EML5: variants seen among roughly 807,000 people sequenced by gnomAD.
EML5 encodes the protein echinoderm microtubule-associated protein-like 5.
Under a neutral mutation model 250.0 loss-of-function variants are expected in EML5, and 120 were observed. The ratio of observed to expected loss-of-function variants is 0.48; its 90% CI spans 0.41 to 0.56. The LOEUF (loss-of-function observed/expected upper bound fraction) is 0.56. EML5 is among the 20% of genes least tolerant of loss of function. EML5 has a pLI of 0.00. For synonymous variants in EML5, 771 were observed against 806.5 expected (o/e 0.96, Z 0.75); for missense variants, 2,006 against 2,437.6 (o/e 0.82, Z 3.73).
chr14:88,665,960 A>G (rs1010289931), intron 21 of EML5, among the ~76,000 whole-genome samples: 35 of 152,306 alleles, frequency 2.3e-4, no homozygotes, highest in African/African-American at 8.2e-4. Flanking sequence ...ATGGCTTCAA[A>G]TCAATATTAA....
chr14:88,742,563 G>A (rs75376844), intron 4 of EML5, among the ~76,000 whole-genome samples: 1,561 of 152,164 alleles, frequency 0.01, 24 homozygotes, highest in African/African-American at 0.036. Flanking sequence ...TGAAAATGGA[G>A]CCTTTAGCTT....
chr14:88,632,231 C>T (rs1271261441), intron 33 of EML5, among the ~76,000 whole-genome samples: 1 of 152,098 alleles, frequency 6.6e-6, no homozygotes, highest in Admixed American at 6.5e-5. Context: ...CAGAATACAC[C>T]CCATATTTGT....
At chr14:88,708,407 T>C (rs984466419) in intron 10 of EML5, among the ~76,000 whole-genome samples, 2 of 152,114 alleles carry the variant, frequency 1.3e-5, no homozygotes, top group African/African-American at 4.8e-5. Flanking sequence ...AACTATAAGC[T>C]CTTTAAAGAC....
At chr14:88,675,126 T>C (rs747188656) in intron 21 of EML5, among the ~76,000 whole-genome samples, 4 of 152,228 alleles carry the variant, frequency 2.6e-5, no homozygotes, top group Non-Finnish European at 4.4e-5. Flanking sequence ...TCAGTTGTTC[T>C]ACCATTCTGG....
chr14:88,783,218 C>G (rs2094515746), intron 1 of EML5, among the ~76,000 whole-genome samples: 1 of 152,124 alleles, frequency 6.6e-6, no homozygotes, highest in Non-Finnish European at 1.5e-5. Context: ...GTTGGAGCCC[C>G]CACACACAAA....
chr14:88,700,707 C>T (rs1052874987), intron 14 of EML5, among the ~76,000 whole-genome samples: 3 of 152,106 alleles, frequency 2.0e-5, no homozygotes, highest in Non-Finnish European at 4.4e-5. Context: ...CAAAAACAAA[C>T]ACAAAAACCT....
intron 13 of EML5, among the ~76,000 whole-genome samples, chr14:88,703,844 T>C (rs1027996539): frequency 1.3e-5 from 2 of 152,132 alleles, no homozygotes; most frequent in South Asian, 2.1e-4. Flanking sequence ...ATTAGACATA[T>C]TGAGGGGAGA....
In EML5 at chr14:88,661,667, C is replaced by T; in HGVS notation, c.3662G>A (p.Arg1221Lys). The T allele has an allele frequency of 6.2e-7, 1 of 1,612,422 alleles. No homozygotes were observed. Among genetic ancestry groups the T allele is most frequent in the Non-Finnish European group, 8.5e-7 (1 of 1,179,360 alleles). ...GDDLGFVKLFRYPTKGKFGKF... is the reference protein window; with the variant it reads ...GDDLGFVKLFKYPTKGKFGKF... ...AAAAACACATACTTTAGTAGGATAT[C>T]TAAATAACTTCACAAATCCCAAATC... The change falls in exon 25 of 44, where the codon AGA (arginine) becomes AAA (lysine). Residue 1221 changes from arginine (R) to lysine (K), a missense_variant. By Grantham distance (26) the Arg-to-Lys change is conservative. Around this residue, in one of 7 missense-constraint regions of EML5, gnomAD observed 1,375 missense variants for 1,590.3 expected, o/e 0.86. Transcript: ENST00000554922.
intron 36 of EML5, chr14:88,624,066 A>AT (rs1008731884): frequency 1.1e-4 from 17 of 150,776 alleles, no homozygotes; most frequent in Non-Finnish European, 1.6e-4. Flanking sequence ...TATATGTCAC[A>AT]TTTTTTTTTG....
At chr14:88,675,369 C>T (rs1252252482) in intron 21 of EML5, among the ~76,000 whole-genome samples, 2 of 152,360 alleles carry the variant, frequency 1.3e-5, no homozygotes, top group Non-Finnish European at 2.9e-5. Context: ...TGTGCACCTG[C>T]AGGCTCAACA....
At chr14:88,733,310 C>A (rs1043550119) in intron 7 of EML5, among the ~76,000 whole-genome samples, 2 of 152,188 alleles carry the variant, frequency 1.3e-5, no homozygotes, top group Non-Finnish European at 2.9e-5. Flanking sequence ...GCCTTCAGGG[C>A]AAAAAGCGGC....
chr14:88,663,705 A>AG (rs1037601251), intron 23 of EML5, among the ~76,000 whole-genome samples: 11 of 143,998 alleles, frequency 7.6e-5, no homozygotes, highest in Admixed American at 7.0e-5. Flanking sequence ...AATGTATTTC[A>AG]TTTTTTTTTT....
chr14:88,792,927 C>A lies in EML5; in HGVS notation c.-424G>T, dbSNP rs1274302703. Among the ~76,000 whole-genome samples, 1 of 151,684 alleles carries A rather than the reference C, an allele frequency of 6.6e-6. No individual in the cohort carries two copies. The highest frequency in any genetic ancestry group is 1.5e-5 in the Non-Finnish European group (1 of 67,896). On this transcript the variant is annotated 5_prime_UTR_variant, in exon 1 of 44. Coordinates refer to ENST00000554922, the MANE Select transcript of EML5 (RefSeq NM_183387.3). This position sits in a 1 kb window ranked among gnomAD's most constrained non-coding sequence, Gnocchi z 6.9. ...GTAGCCACAGCCTGGCGGACCCGCG[C>A]CGCGCACCCCGAAACCGAGCGAGCC...
At chr14:88,729,625 T>C (rs900858872) in intron 7 of EML5, among the ~76,000 whole-genome samples, 4 of 152,128 alleles carry the variant, frequency 2.6e-5, no homozygotes, top group African/African-American at 9.6e-5. Flanking sequence ...GCTGGCGCAA[T>C]CTTAGTTCAC....
At chr14:88,736,743 G>A (rs1331823697) in intron 6 of EML5, among the ~76,000 whole-genome samples, 178 bp from the exon 7 acceptor site, 1 of 152,170 alleles carries the variant, frequency 6.6e-6, no homozygotes, top group Non-Finnish European at 1.5e-5. Flanking sequence ...GACCAACTGA[G>A]AACGTCTCTT....
intron 1 of EML5, among the ~76,000 whole-genome samples, chr14:88,784,391 AC>A (rs1166396910): frequency 6.6e-6 from 1 of 151,950 alleles, no homozygotes; most frequent in Non-Finnish European, 1.5e-5. Context: ...AGATTGACAA[AC>A]CTTTAGCCAC....
intron 1 of EML5, among the ~76,000 whole-genome samples, chr14:88,788,182 A>C (rs1413208837): frequency 2.0e-5 from 3 of 151,790 alleles, no homozygotes; most frequent in Non-Finnish European, 4.4e-5. Context: ...CCATATAAAC[A>C]CAAAAAAAAT....
intron 1 of EML5, among the ~76,000 whole-genome samples, chr14:88,772,445 G>A (rs80205517): frequency 0.01 from 1,563 of 152,294 alleles, 25 homozygotes; most frequent in African/African-American, 0.036. Context: ...ATCTAAGATG[G>A]CACTTTCAAG....
Position 88,687,175 on chromosome 14 carries a change from CT to C in EML5, c.2854+40del, listed in dbSNP as rs769585775. The C allele has an allele frequency of 6.2e-6, 9 of 1,460,850 alleles. No individual in the cohort carries two copies. In the East Asian group the frequency reaches 1.2e-4, roughly 19 times the overall value. 90.5% of individuals were successfully genotyped at this position (1,460,850 alleles called of 1,614,324 possible). ...TCACACACATTAATGAGCAATTAATCTTTTTTTCCTATACAAAAACCCCACT... is the reference window on the plus strand; with the variant it reads ...TCACACACATTAATGAGCAATTAATCTTTTTTCCTATACAAAAACCCCACT... On this transcript the variant is annotated intron_variant, in intron 19 of 43. Transcript: ENST00000554922.
Sources: allele counts gnomAD v4.1 joint callset (sites outside exome capture counted in the v4.1 genomes callset), GRCh38; gene constraint gnomAD v4.1.1; regional missense constraint gnomAD v4.1.1; non-coding constraint Gnocchi (gnomAD v3.1); transcripts MANE v1.5; gene names NCBI Gene and HGNC (gene_info 2026-07-23, HGNC 2026-07-21).